Variants in PKP4 observed in about 807,000 individuals in gnomAD.
PKP4 encodes the protein plakophilin 4.
PKP4 carries 90 observed loss-of-function variants against 145.1 expected under a neutral mutation model. That is an observed-to-expected ratio of 0.62 (90% CI 0.52 to 0.74). PKP4 has a LOEUF of 0.74. PKP4 is among the 30% of genes least tolerant of loss of function. PKP4 has a pLI of 0.00. For missense variants in PKP4, 1,340 were observed against 1,482.7 expected, an observed-to-expected ratio of 0.90 and a Z score of 1.58; for synonymous variants, 563 against 577.2, an observed-to-expected ratio of 0.98 and a Z score of 0.35.
chr2:158,563,817 A>G (rs2046745821), intron 2 of PKP4, among the ~76,000 whole-genome samples: 1 of 151,966 alleles, frequency 6.6e-6, no homozygotes, highest in South Asian at 2.1e-4. Flanking sequence ...GTACTTTCGA[A>G]TCTGATGTGT....
intron 2 of PKP4, among the ~76,000 whole-genome samples, chr2:158,541,823 C>A (rs1054827730): frequency 6.6e-6 from 1 of 151,978 alleles, no homozygotes; most frequent in African/African-American, 2.4e-5. Context: ...TATCATCTAC[C>A]CTAATAGGCA....
intron 1 of PKP4, among the ~76,000 whole-genome samples, chr2:158,484,331 G>A (rs1015363606): frequency 1.8e-4 from 28 of 152,204 alleles, no homozygotes; most frequent in African/African-American, 6.5e-4. Context: ...ACAGGCGTGA[G>A]CCACCGCGCC....
rs578001868 is a variant in PKP4 at position 158,639,094 on chromosome 2, T to C, written c.1563-1533T>C. 1.1e-4 allele frequency among the ~76,000 whole-genome samples: 17 copies of C among 152,302 alleles called. No homozygotes were observed. In the South Asian group the frequency reaches 3.3e-3, roughly 30 times the overall value. On this transcript the variant is annotated intron_variant, in intron 9 of 21. Coordinates refer to ENST00000389759, the MANE Select transcript of PKP4 (RefSeq NM_003628.6). ...TCTGTATCTAATGTTATTTTAATAG[T>C]GCTTACCTCATGAGGCAACAGTAAA...
Position 158,463,012 on chromosome 2 carries a change from T to C in PKP4, c.-6+5794T>C, listed in dbSNP as rs559469556. 3.3e-5 allele frequency among the ~76,000 whole-genome samples: 5 copies of C among 152,368 alleles called. No individual in the cohort carries two copies. In the East Asian group the frequency reaches 9.6e-4, roughly 29 times the overall value. ...CCAGGGAAATTATTGGCTTGCTTTC[T>C]GTGTGGGTTTTGTCAAAATGATTAT... On this transcript the variant is annotated intron_variant, in intron 1 of 21. Transcript: ENST00000389759.
At chr2:158,665,201 G>A (rs1424686640) in intron 15 of PKP4, among the ~76,000 whole-genome samples, 1 of 152,178 alleles carries the variant, frequency 6.6e-6, no homozygotes, top group African/African-American at 2.4e-5. Context: ...GCTGGGCTGG[G>A]CTGGGCTGGT....
chr2:158,607,290 T>A lies in PKP4; in HGVS notation c.280+4186T>A, dbSNP rs368918477. Among the ~76,000 whole-genome samples, 12 of 152,172 alleles carry A rather than the reference T, an allele frequency of 7.9e-5. 2 individuals carry two copies. The highest frequency in any genetic ancestry group is 6.5e-4 in the Admixed American group (10 of 15,272). On this transcript the variant is annotated intron_variant, in intron 4 of 21. Transcript: ENST00000389759. ...CTTTTCTTTTCTATTGGAGACTTAG[T>A]GTTTGATGGATAAGAGTTCTTTGTA...
intron 20 of PKP4, among the ~76,000 whole-genome samples, chr2:158,677,524 T>TAAC (rs1390904478): frequency 6.6e-6 from 1 of 152,240 alleles, no homozygotes; most frequent in Non-Finnish European, 1.5e-5. Flanking sequence ...CTGGCGATTA[T>TAAC]AACTACTTTA....
At chr2:158,541,069 T>C (rs1231401067) in intron 2 of PKP4, among the ~76,000 whole-genome samples, 1 of 152,186 alleles carries the variant, frequency 6.6e-6, no homozygotes, top group Non-Finnish European at 1.5e-5. Context: ...TATTCAGCAT[T>C]GAATTCTCTG....
intron 1 of PKP4, among the ~76,000 whole-genome samples, chr2:158,504,636 C>A (rs1697052634): frequency 6.6e-6 from 1 of 151,538 alleles, no homozygotes; most frequent in Admixed American, 6.6e-5. Flanking sequence ...GATTCAGGTT[C>A]ATTTATTCAA....
At chr2:158,535,293 T>A (rs1051652116) in intron 2 of PKP4, among the ~76,000 whole-genome samples, 3 of 152,240 alleles carry the variant, frequency 2.0e-5, no homozygotes, top group African/African-American at 7.2e-5. Context: ...CTTATATGTT[T>A]GATTTTAAAA....
Position 158,680,802 on chromosome 2 carries a change from T to G in PKP4, c.*125T>G. ...AGTGGAAGGAATGAATGAAGTGTGT[T>G]TTTTTTTTCTTTTTTGAGGAATTAT... On this transcript the variant is annotated 3_prime_UTR_variant, in exon 22 of 22. Coordinates refer to ENST00000389759, the MANE Select transcript of PKP4 (RefSeq NM_003628.6). 1.1e-6 allele frequency: 1 copy of G among 884,776 alleles called. No homozygotes were observed. The highest frequency in any genetic ancestry group is 1.7e-6 in the Non-Finnish European group (1 of 580,882). The allele number at this position is 884,776 out of a possible 1,614,324, so 54.8% of individuals were successfully genotyped here.
At chr2:158,672,876 T>C (rs540855398) in intron 17 of PKP4, among the ~76,000 whole-genome samples, 1 of 152,278 alleles carries the variant, frequency 6.6e-6, no homozygotes, top group African/African-American at 2.4e-5. Flanking sequence ...AACCAGATTT[T>C]AGATCGGGTA....
chr2:158,463,524 GTTAAATAGA>G (rs1690108226), intron 1 of PKP4, among the ~76,000 whole-genome samples: 1 of 152,126 alleles, frequency 6.6e-6, no homozygotes, highest in Non-Finnish European at 1.5e-5. Flanking sequence ...ACAGACAGTG[GTTAAATAGA>G]TATCAAGAGG....
chr2:158,496,416 C>A (rs1037504694), intron 1 of PKP4, among the ~76,000 whole-genome samples: 1 of 152,100 alleles, frequency 6.6e-6, no homozygotes, highest in South Asian at 2.1e-4. Context: ...TTTATCGATT[C>A]TGTGAATTTG....
intron 1 of PKP4, among the ~76,000 whole-genome samples, chr2:158,486,499 C>T (rs1254404500): frequency 1.3e-5 from 2 of 152,142 alleles, no homozygotes; most frequent in Non-Finnish European, 2.9e-5. Context: ...ACCCATAAGA[C>T]CTACAGATAT....
At chr2:158,540,558 G>A (rs895147865) in intron 2 of PKP4, among the ~76,000 whole-genome samples, 1 of 152,060 alleles carries the variant, frequency 6.6e-6, no homozygotes, top group Non-Finnish European at 1.5e-5. Flanking sequence ...GAATGCAGAG[G>A]CACAAACCGT....
chr2:158,630,075 A>T (rs1574864871), intron 7 of PKP4, among the ~76,000 whole-genome samples: 2 of 151,968 alleles, frequency 1.3e-5, no homozygotes, highest in Non-Finnish European at 2.9e-5. Flanking sequence ...ATGATTTGCT[A>T]TTTTTTTAAA....
intron 2 of PKP4, among the ~76,000 whole-genome samples, chr2:158,572,464 C>T (rs946865802): frequency 6.6e-6 from 1 of 152,148 alleles, no homozygotes; most frequent in Admixed American, 6.5e-5. Context: ...AGCAATAAAC[C>T]TGGCTTTTAC....
intron 4 of PKP4, among the ~76,000 whole-genome samples, chr2:158,604,616 T>A (rs901721693): frequency 6.6e-6 from 1 of 151,828 alleles, no homozygotes; most frequent in Non-Finnish European, 1.5e-5. Context: ...GGTTTTGCGT[T>A]TGGGAGGATG....
Sources: gnomAD v4.1 joint callset for allele counts (sites outside exome capture counted in the v4.1 genomes callset) on GRCh38, gnomAD v4.1.1 for gene constraint, MANE v1.5 for transcripts, NCBI Gene and HGNC (gene_info 2026-07-23, HGNC 2026-07-21) for gene names.